Variants in ANAPC10 observed in about 807,000 individuals in gnomAD.
ANAPC10 encodes the protein anaphase promoting complex subunit 10, also known as anaphase-promoting complex subunit 10.
A neutral mutation model predicts 22.0 loss-of-function variants in ANAPC10; 12 were observed. The ratio of observed to expected loss-of-function variants is 0.55; its 90% confidence interval spans 0.35 to 0.88. ANAPC10 has a LOEUF of 0.88. Among genes scored for constraint, ANAPC10 ranks in the 40% least tolerant of loss-of-function variants. The probability of loss-of-function intolerance (pLI) is 0.01; values close to 1 mark genes in which losing one functional copy is unlikely to be tolerated. For missense variants in ANAPC10, 188 were observed against 220.9 expected, an observed-to-expected ratio of 0.85 and a Z score of 0.94; for synonymous variants, 65 against 69.5, an observed-to-expected ratio of 0.94 and a Z score of 0.32.
intron 4 of ANAPC10, among the ~76,000 whole-genome samples, chr4:145,048,419 C>A (rs1740638045): frequency 6.6e-6 from 1 of 152,144 alleles, no homozygotes; most frequent in Non-Finnish European, 1.5e-5. Flanking sequence ...AAATTTGGTT[C>A]TAAGCTTCCT....
intron 4 of ANAPC10, among the ~76,000 whole-genome samples, chr4:145,014,402 T>C (rs1734796552): frequency 6.6e-6 from 1 of 151,698 alleles, no homozygotes; most frequent in Non-Finnish European, 1.5e-5. Flanking sequence ...CCTGGGAACC[T>C]CACCCCTATC....
At chr4:145,095,864 T>C (rs1007790592) in intron 2 of ANAPC10, 121 bp downstream of exon 2, 2 of 1,274,046 alleles carry the variant, frequency 1.6e-6, no homozygotes, top group Admixed American at 1.7e-5. Flanking sequence ...TTCAGTACTA[T>C]CCATGGTTTT....
chr4:145,067,080 T>C (rs1207482655), intron 3 of ANAPC10, among the ~76,000 whole-genome samples: 2 of 152,208 alleles, frequency 1.3e-5, no homozygotes, highest in African/African-American at 4.8e-5. Context: ...CATAGGAAAC[T>C]GTGACCTCAC....
At chr4:145,095,931 C>T in intron 2 of ANAPC10, 54 bp downstream of exon 2, 1 of 1,612,720 alleles carries the variant, frequency 6.2e-7, no homozygotes. Context: ...GATGCCTGTA[C>T]AAGGAAACTG....
chr4:145,069,411 T>A (rs1171299262), intron 3 of ANAPC10, among the ~76,000 whole-genome samples: 1 of 152,134 alleles, frequency 6.6e-6, no homozygotes, highest in Non-Finnish European at 1.5e-5. Context: ...AATATGAACA[T>A]GCATACAGCA....
chr4:145,076,925 C>T (rs1360647298), intron 3 of ANAPC10, among the ~76,000 whole-genome samples: 1 of 152,176 alleles, frequency 6.6e-6, no homozygotes, highest in Admixed American at 6.5e-5. Context: ...ATTTGCCAGG[C>T]GTGGTGGCTC....
intron 4 of ANAPC10, among the ~76,000 whole-genome samples, chr4:145,017,956 C>T (rs990614693): frequency 2.7e-5 from 3 of 109,846 alleles, no homozygotes; most frequent in Non-Finnish European, 5.1e-5. Context: ...CATCACACAC[C>T]GGGGCCTGTT....
chr4:145,026,255 TTGAC>T (rs1736643203), intron 4 of ANAPC10, among the ~76,000 whole-genome samples: 1 of 152,196 alleles, frequency 6.6e-6, no homozygotes, highest in African/African-American at 2.4e-5. Flanking sequence ...CATTTATTGA[TTGAC>T]TGAATGACTA....
chr4:145,097,098 G>C (rs552567123), intron 1 of ANAPC10: 6 of 193,102 alleles, frequency 3.1e-5, no homozygotes, highest in Non-Finnish European at 6.5e-5. Flanking sequence ...TAGTCCCAGG[G>C]GGGCTGAGAC....
rs529661189 is a variant in ANAPC10 at position 145,013,799 on chromosome 4, C to G, written c.328-18196G>C. Among the ~76,000 whole-genome samples, 85 of 152,246 alleles carry G rather than the reference C, an allele frequency of 5.6e-4. 1 individual carries two copies. The highest frequency in any genetic ancestry group is 2.0e-3 in the African/African-American group (83 of 41,508). Reference sequence around the variant, plus strand: ...AGCAGAAAAGGAAGATCCTCCACCCCCAAGCACACACTCCTACTGGGGAAA... The same window carrying G: ...AGCAGAAAAGGAAGATCCTCCACCCGCAAGCACACACTCCTACTGGGGAAA... On this transcript the variant is annotated intron_variant, in intron 4 of 4. Coordinates refer to ENST00000507656, the MANE Select transcript of ANAPC10 (RefSeq NM_001256706.2).
intron 2 of ANAPC10, among the ~76,000 whole-genome samples, chr4:145,088,808 A>G (rs1200253089): frequency 6.6e-6 from 1 of 152,132 alleles, no homozygotes; most frequent in African/African-American, 2.4e-5. Flanking sequence ...ACTTAAAATC[A>G]ATACTCTTTT....
At chr4:145,041,750 C>A (rs776862492) in intron 4 of ANAPC10, among the ~76,000 whole-genome samples, 2 of 152,142 alleles carry the variant, frequency 1.3e-5, no homozygotes, top group Non-Finnish European at 2.9e-5. Context: ...AATTTAATAA[C>A]TGGTTCCAGA....
chr4:145,082,285 G>C (rs889359859), intron 2 of ANAPC10, among the ~76,000 whole-genome samples: 5 of 152,188 alleles, frequency 3.3e-5, no homozygotes, highest in Non-Finnish European at 5.9e-5. Context: ...AAGTAGCTGG[G>C]ATTACAGGCA....
At chr4:145,030,820 A>G (rs1159683246) in intron 4 of ANAPC10, among the ~76,000 whole-genome samples, 4 of 152,194 alleles carry the variant, frequency 2.6e-5, no homozygotes, top group African/African-American at 9.6e-5. Flanking sequence ...GGGGTTGCAA[A>G]GATTAGTGCC....
intron 2 of ANAPC10, among the ~76,000 whole-genome samples, chr4:145,083,708 C>T (rs1746438775): frequency 6.6e-6 from 1 of 151,928 alleles, no homozygotes; most frequent in Admixed American, 6.5e-5. Flanking sequence ...AGAATAATTG[C>T]ACTTTTATAA....
chr4:145,061,489 T>C (rs966017086), intron 4 of ANAPC10, among the ~76,000 whole-genome samples: 3 of 152,168 alleles, frequency 2.0e-5, no homozygotes, highest in Non-Finnish European at 2.9e-5. Context: ...TTGAACTTAG[T>C]ACAAATAGGC....
intron 4 of ANAPC10, among the ~76,000 whole-genome samples, chr4:145,028,666 A>G (rs1267662256): frequency 6.6e-6 from 1 of 152,162 alleles, no homozygotes; most frequent in Non-Finnish European, 1.5e-5. Flanking sequence ...ATAGTATGGA[A>G]AATACTGATA....
At chr4:145,087,728 T>C (rs971077510) in intron 2 of ANAPC10, among the ~76,000 whole-genome samples, 1 of 152,144 alleles carries the variant, frequency 6.6e-6, no homozygotes, top group Non-Finnish European at 1.5e-5. Flanking sequence ...GCAAATAGAT[T>C]ATAATATGAA....
chr4:145,097,604 G>T, intron 1 of ANAPC10: 1 of 1,127,910 alleles, frequency 8.9e-7, no homozygotes, highest in Non-Finnish European at 1.2e-6. Context: ...CTTTGGCAAG[G>T]CCTGAGGCTT....
Sources: allele counts gnomAD v4.1 joint callset (sites outside exome capture counted in the v4.1 genomes callset), GRCh38; gene constraint gnomAD v4.1.1; transcripts MANE v1.5; gene names NCBI Gene and HGNC (gene_info 2026-07-23, HGNC 2026-07-21).